LYPD6: variants seen among roughly 807,000 people sequenced by gnomAD.
LYPD6 encodes LY6/PLAUR domain containing 6.
Under a neutral mutation model 22.7 loss-of-function variants are expected in LYPD6, and 15 were observed. That is an observed-to-expected ratio of 0.66 (90% CI 0.44 to 1.02). The LOEUF is 1.02. LYPD6 is among the 50% of genes least tolerant of loss of function. The pLI is 0.00. For missense variants in LYPD6, 189 were observed against 208.4 expected (o/e 0.91, Z 0.57); for synonymous variants, 72 against 77.5 (o/e 0.93, Z 0.37).
intron 2 of LYPD6, among the ~76,000 whole-genome samples, chr2:149,438,951 A>G (rs891916761): frequency 2.0e-5 from 3 of 152,226 alleles, no homozygotes; most frequent in Non-Finnish European, 4.4e-5. Flanking sequence ...AGTGTGAGAC[A>G]TAGGAAATGC....
chr2:149,362,065 A>G (rs191918548), intron 1 of LYPD6, among the ~76,000 whole-genome samples: 21 of 152,262 alleles, frequency 1.4e-4, no homozygotes, highest in South Asian at 4.1e-4. Flanking sequence ...CTCCATAAGG[A>G]ATGAAACTGT....
At chr2:149,478,335 C>G (rs1681473437), downstream of LYPD6, among the ~76,000 whole-genome samples, 1 of 151,972 alleles carries the variant, frequency 6.6e-6, no homozygotes. Context: ...AATACTGCCC[C>G]AAATTCTCAG....
intron 3 of LYPD6, among the ~76,000 whole-genome samples, chr2:149,453,299 A>G (rs1308992890): frequency 6.6e-6 from 1 of 152,208 alleles, no homozygotes; most frequent in South Asian, 2.1e-4. Context: ...GTGCTGCAAG[A>G]TGAAAAGATC....
chr2:149,404,647 G>A (rs1215608575), intron 1 of LYPD6, among the ~76,000 whole-genome samples: 2 of 152,152 alleles, frequency 1.3e-5, no homozygotes, highest in Admixed American at 6.5e-5. Flanking sequence ...AGACAGTGGG[G>A]TTTTCTAGAT....
At chr2:149,402,550 C>T (rs953126474) in intron 1 of LYPD6, among the ~76,000 whole-genome samples, 9 of 152,016 alleles carry the variant, frequency 5.9e-5, no homozygotes, top group Admixed American at 5.2e-4. Context: ...ATGCCAACAT[C>T]TGTTATTTTT....
intron 3 of LYPD6, among the ~76,000 whole-genome samples, chr2:149,456,262 C>A (rs1189152012): frequency 6.6e-6 from 1 of 151,832 alleles, no homozygotes; most frequent in Non-Finnish European, 1.5e-5. Flanking sequence ...TTTTTTCTTT[C>A]GCTTTCAATT....
At chr2:149,356,427 G>A (rs1473589617) in intron 1 of LYPD6, among the ~76,000 whole-genome samples, 1 of 152,154 alleles carries the variant, frequency 6.6e-6, no homozygotes, top group African/African-American at 2.4e-5. Context: ...CACACGAGAT[G>A]TTTTCCTTCC....
intron 1 of LYPD6, among the ~76,000 whole-genome samples, chr2:149,337,641 A>AC (rs1681064491): frequency 6.6e-6 from 1 of 151,806 alleles, no homozygotes; most frequent in Non-Finnish European, 1.5e-5. Flanking sequence ...TAAAAAAAAA[A>AC]CTTATATTTT....
At chr2:149,441,124 C>A (rs1284002051) in intron 2 of LYPD6, among the ~76,000 whole-genome samples, 1 of 152,132 alleles carries the variant, frequency 6.6e-6, no homozygotes, top group Non-Finnish European at 1.5e-5. Flanking sequence ...TCCTTGAGCA[C>A]TAGACCATAT....
chr2:149,349,532 T>C (rs1025456478), intron 1 of LYPD6, among the ~76,000 whole-genome samples: 1 of 152,190 alleles, frequency 6.6e-6, no homozygotes, highest in Non-Finnish European at 1.5e-5. Context: ...AAAGTCATGA[T>C]GGGATTTTCT....
chr2:149,425,032 G>C (rs555301257), intron 1 of LYPD6, among the ~76,000 whole-genome samples: 1 of 152,144 alleles, frequency 6.6e-6, no homozygotes, highest in African/African-American at 2.4e-5. Flanking sequence ...CAGGTTGTGT[G>C]TCATCCCTGT....
intron 1 of LYPD6, among the ~76,000 whole-genome samples, chr2:149,382,133 A>G (rs1398290172): frequency 1.3e-5 from 2 of 152,224 alleles, no homozygotes; most frequent in Admixed American, 1.3e-4. Flanking sequence ...TCTTAATAGG[A>G]AAAACATAAC....
chr2:149,392,166 A>G (rs1175595256), intron 1 of LYPD6, among the ~76,000 whole-genome samples: 2 of 152,088 alleles, frequency 1.3e-5, no homozygotes, highest in Non-Finnish European at 2.9e-5. Flanking sequence ...ATAGGGCACT[A>G]ATCTCATCAT....
intron 1 of LYPD6, among the ~76,000 whole-genome samples, chr2:149,417,279 C>A (rs1682985357): frequency 6.6e-6 from 1 of 152,168 alleles, no homozygotes; most frequent in Non-Finnish European, 1.5e-5. Context: ...CTGGGGCTCG[C>A]CATAAGCTCT....
chr2:149,388,184 T>C (rs1038459902), intron 1 of LYPD6, among the ~76,000 whole-genome samples: 2 of 151,622 alleles, frequency 1.3e-5, no homozygotes, highest in Non-Finnish European at 2.9e-5. Context: ...CTCTCTCTTT[T>C]TTTTTTTTTT....
intron 1 of LYPD6, among the ~76,000 whole-genome samples, chr2:149,404,622 G>C (rs1682651254): frequency 6.6e-6 from 1 of 152,192 alleles, no homozygotes; most frequent in African/African-American, 2.4e-5. Context: ...ATCAGCTTAA[G>C]GAGATTTTGG....
In LYPD6 at chr2:149,437,738, C is replaced by G. The variant is rs145116306; in HGVS notation, c.30C>G (p.Leu10=). Residue 10 remains leucine, a synonymous_variant, in exon 2 of 5, where the codon CTC becomes CTG. Transcript: ENST00000334166. ...AACCTGGCCCTGCTCTGGCCTGGCT[C>G]CTGCTCCTGAGCCTGCTGGCGGATT... The part of the protein sequence containing the change: MEPGPALAW[L]LLLSLLADCL... The G allele has an allele frequency of 2.7e-5, 44 of 1,614,046 alleles. No homozygotes were observed. In the East Asian group the frequency reaches 5.8e-4, roughly 21 times the overall value.
intron 3 of LYPD6, among the ~76,000 whole-genome samples, chr2:149,461,426 C>A (rs1481811283): frequency 6.6e-6 from 1 of 151,624 alleles, no homozygotes; most frequent in African/African-American, 2.4e-5. Flanking sequence ...TCTTCAGGCC[C>A]AAATAATTTC....
chr2:149,350,973 T>C (rs1253672470), intron 1 of LYPD6, among the ~76,000 whole-genome samples: 1 of 152,192 alleles, frequency 6.6e-6, no homozygotes, highest in Non-Finnish European at 1.5e-5. Flanking sequence ...TATACAGGAC[T>C]TTTTGAAATG....
Sources: allele counts gnomAD v4.1 joint callset (sites outside exome capture counted in the v4.1 genomes callset), GRCh38; gene constraint gnomAD v4.1.1; transcripts MANE v1.5; gene names NCBI Gene and HGNC (gene_info 2026-07-23, HGNC 2026-07-21).